Variants in L3MBTL4 observed in about 807,000 individuals in gnomAD.
L3MBTL4 encodes L3MBTL histone methyl-lysine binding protein 4, also known as lethal(3)malignant brain tumor-like protein 4.
In L3MBTL4, 70 loss-of-function variants were observed where a neutral mutation model predicts 84.5. The observed-to-expected ratio is 0.83, with a 90% CI of 0.68 to 1.01. The LOEUF is 1.01. Among genes scored for constraint, L3MBTL4 ranks in the 50% least tolerant of loss-of-function variants. The pLI, the probability that L3MBTL4 is intolerant of heterozygous loss-of-function variation, is 0.00. For synonymous variants in L3MBTL4, 274 were observed against 259.8 expected, an observed-to-expected ratio of 1.05 and a Z score of -0.52; for missense variants, 715 against 754.8, an observed-to-expected ratio of 0.95 and a Z score of 0.62.
intron 16 of L3MBTL4, chr18:6,029,597 C>T (rs948900967): frequency 1.4e-5 from 14 of 985,148 alleles, no homozygotes; most frequent in South Asian, 9.4e-5. Flanking sequence ...GAATAAACTT[C>T]GTAAGAAGGA....
In L3MBTL4 at chr18:6,301,889, T is replaced by C. The variant is rs750862054; in HGVS notation, c.127+14A>G. On this transcript the variant is annotated intron_variant, in intron 4 of 18. Transcript: ENST00000317931. ...TCACTGTGAACTACCACTGTAAATA[T>C]TGGTGATAATTACCGTGACTCAAAG... The C allele has an allele frequency of 2.5e-6, 4 of 1,600,616 alleles. No homozygotes were observed. The highest frequency in any genetic ancestry group is 3.4e-6 in the Non-Finnish European group (4 of 1,167,636).
intron 1 of L3MBTL4, among the ~76,000 whole-genome samples, chr18:6,406,153 ACAT>A (rs2055725814): frequency 6.6e-6 from 1 of 152,226 alleles, no homozygotes; most frequent in Non-Finnish European, 1.5e-5. Context: ...GGTTGACATG[ACAT>A]CATAGAAAAC....
At chr18:6,347,682 G>T (rs2052982305) in intron 1 of L3MBTL4, among the ~76,000 whole-genome samples, 1 of 151,754 alleles carries the variant, frequency 6.6e-6, no homozygotes, top group South Asian at 2.1e-4. Flanking sequence ...CTGATAAAGA[G>T]TATCTATCAT....
chr18:6,364,080 G>A (rs963451236), intron 1 of L3MBTL4, among the ~76,000 whole-genome samples: 10 of 152,004 alleles, frequency 6.6e-5, no homozygotes, highest in East Asian at 5.8e-4. Flanking sequence ...TTGTATCTAC[G>A]CGTGCCTGGA....
intron 16 of L3MBTL4, among the ~76,000 whole-genome samples, chr18:6,035,297 C>G (rs1471114691): frequency 1.3e-5 from 2 of 152,124 alleles, no homozygotes; most frequent in Non-Finnish European, 2.9e-5. Flanking sequence ...ACGTTTAAGT[C>G]TTTAGTCCAT....
At chr18:6,235,390 T>C (rs1348479126) in intron 10 of L3MBTL4, among the ~76,000 whole-genome samples, 1 of 152,056 alleles carries the variant, frequency 6.6e-6, no homozygotes, top group African/African-American at 2.4e-5. Context: ...ATGCTTACAG[T>C]GGCATTTCTA....
intron 16 of L3MBTL4, among the ~76,000 whole-genome samples, chr18:6,034,394 G>A (rs560935250): frequency 1.3e-5 from 2 of 152,028 alleles, no homozygotes; most frequent in Admixed American, 6.6e-5. Context: ...AAGAATATGC[G>A]GTGTTTGGTT....
At chr18:6,140,008 C>T (rs2060147235) in intron 13 of L3MBTL4, among the ~76,000 whole-genome samples, 1 of 152,200 alleles carries the variant, frequency 6.6e-6, no homozygotes, top group African/African-American at 2.4e-5. Flanking sequence ...GCCACCCCAG[C>T]ACGTCAGTCA....
At chr18:6,365,254 T>G (rs1057161235) in intron 1 of L3MBTL4, among the ~76,000 whole-genome samples, 4 of 152,108 alleles carry the variant, frequency 2.6e-5, no homozygotes, top group African/African-American at 4.8e-5. Flanking sequence ...AACATTATGT[T>G]TTACACAGGC....
At chr18:6,187,325 G>C (rs2044823376) in intron 12 of L3MBTL4, among the ~76,000 whole-genome samples, 1 of 152,062 alleles carries the variant, frequency 6.6e-6, no homozygotes, top group Non-Finnish European at 1.5e-5. Flanking sequence ...AATTTCAAGT[G>C]CCTACAGGAT....
rs539372185 is a variant in L3MBTL4, at chr18:6,132,452, T to G, written c.1199+5742A>C. On this transcript the variant is annotated intron_variant, in intron 14 of 18. Coordinates refer to ENST00000317931, the MANE Select transcript of L3MBTL4 (RefSeq NM_001330559.2). Reference sequence around the variant, plus strand: ...GGAACTGGAGAAGAGCTGATAGAATTCATCACCCCAGCAGCCCTGAGCATG... The same window carrying G: ...GGAACTGGAGAAGAGCTGATAGAATGCATCACCCCAGCAGCCCTGAGCATG... 1.1e-3 allele frequency among the ~76,000 whole-genome samples: 171 copies of G among 152,232 alleles called. 1 individual carries two copies. The highest frequency in any genetic ancestry group is 3.9e-3 in the African/African-American group (162 of 41,538).
At chr18:6,376,601 G>A (rs2054380295) in intron 1 of L3MBTL4, among the ~76,000 whole-genome samples, 1 of 152,066 alleles carries the variant, frequency 6.6e-6, no homozygotes, top group Admixed American at 6.6e-5. Context: ...AGCTGAGTGT[G>A]GTGGTGTGTA....
At chr18:5,989,052 A>G (rs1373127494) in intron 16 of L3MBTL4, among the ~76,000 whole-genome samples, 2 of 152,214 alleles carry the variant, frequency 1.3e-5, no homozygotes, top group South Asian at 4.1e-4. Context: ...TGAGGCCAGT[A>G]TGGAGACAGA....
At chr18:6,229,310 T>G (rs896398371) in intron 10 of L3MBTL4, among the ~76,000 whole-genome samples, 2 of 152,168 alleles carry the variant, frequency 1.3e-5, no homozygotes, top group Non-Finnish European at 2.9e-5. Context: ...CAAGTTTTTT[T>G]AAATTGTGGT....
At chr18:5,992,318 G>C (rs1156829836) in intron 16 of L3MBTL4, among the ~76,000 whole-genome samples, 1 of 152,144 alleles carries the variant, frequency 6.6e-6, no homozygotes. Flanking sequence ...CCTGGTTATG[G>C]GGGCCTGGGC....
intron 12 of L3MBTL4, among the ~76,000 whole-genome samples, chr18:6,201,596 C>G (rs1220729673): frequency 6.6e-6 from 1 of 152,110 alleles, no homozygotes; most frequent in Admixed American, 6.5e-5. Flanking sequence ...AATTTATAAT[C>G]AGGCAATTAT....
chr18:6,322,023 A>G (rs1336914978), intron 1 of L3MBTL4, among the ~76,000 whole-genome samples: 1 of 152,152 alleles, frequency 6.6e-6, no homozygotes, highest in African/African-American at 2.4e-5. Flanking sequence ...GGTAATCAAA[A>G]ACTAAAAGCT....
At chr18:6,408,475 T>C (rs2055827471) in intron 1 of L3MBTL4, among the ~76,000 whole-genome samples, 1 of 152,192 alleles carries the variant, frequency 6.6e-6, no homozygotes, top group Non-Finnish European at 1.5e-5. Flanking sequence ...GTATTTTAAA[T>C]ACAGAGACTT....
intron 16 of L3MBTL4, among the ~76,000 whole-genome samples, chr18:6,074,918 T>C (rs2057807599): frequency 6.6e-6 from 1 of 152,042 alleles, no homozygotes; most frequent in Non-Finnish European, 1.5e-5. Flanking sequence ...ATCATCTCTA[T>C]ACAAGCAGAA....
Sources: allele counts gnomAD v4.1 joint callset (sites outside exome capture counted in the v4.1 genomes callset), GRCh38; gene constraint gnomAD v4.1.1; transcripts MANE v1.5; gene names NCBI Gene and HGNC (gene_info 2026-07-23, HGNC 2026-07-21).